The following UQCRFS1 variants were observed in gnomAD, a reference collection of about 807,000 sequenced individuals.
UQCRFS1 encodes ubiquinol-cytochrome c reductase, Rieske iron-sulfur polypeptide 1.
In UQCRFS1, 6 loss-of-function variants were observed where a neutral mutation model predicts 15.6. The observed-to-expected ratio is 0.38, with a 90% CI of 0.21 to 0.76. UQCRFS1 has a LOEUF of 0.76. UQCRFS1 is among the 30% of genes least tolerant of loss of function. The pLI is 0.44. For synonymous variants in UQCRFS1, 105 were observed against 154.3 expected (o/e 0.68, Z 2.37); for missense variants, 203 against 366.7 (o/e 0.55, Z 3.65).
intron 1 of UQCRFS1, among the ~76,000 whole-genome samples, chr19:29,208,427 C>T (rs1167647700): frequency 2.0e-5 from 3 of 152,200 alleles, no homozygotes; most frequent in African/African-American, 7.2e-5. Flanking sequence ...GTTGGTTGAA[C>T]ATTGCTGATT....
At position 29,211,864 on chromosome 19, in the gene UQCRFS1, C is replaced by A. The variant is rs181546580; in HGVS notation, c.214+1041G>T. On this transcript the variant is annotated intron_variant, in intron 1 of 1. Transcript: ENST00000304863. ...ACAAACAGCTATCAGTGGAGCCAGG[C>A]TGGTAACAGAATGAAACACGCAGAC... is the stretch of plus-strand genomic sequence containing the variant. Among the ~76,000 whole-genome samples the A allele has an allele frequency of 3.9e-3, 591 of 151,908 alleles. 3 individuals are homozygous for A. The highest frequency in any genetic ancestry group is 0.017 in the Middle Eastern group (5 of 288).
rs557128550 is a variant in UQCRFS1 at position 29,209,927 on chromosome 19, G to A, written c.215-1769C>T. ...ACTCTATCTAGCTGGTTACACTTTAGTAGGCTACACCACCAAGAATCCTTT... is the reference window on the plus strand; with the variant it reads ...ACTCTATCTAGCTGGTTACACTTTAATAGGCTACACCACCAAGAATCCTTT... On this transcript the variant is annotated intron_variant, in intron 1 of 1. Transcript: ENST00000304863. Among the ~76,000 whole-genome samples the A allele has an allele frequency of 1.3e-3, 201 of 152,216 alleles. 1 individual carries two copies. Among genetic ancestry groups the A allele is most frequent in the African/African-American group, 4.7e-3 (195 of 41,542 alleles).
At position 29,206,004 on chromosome 19, in the gene UQCRFS1, G is replaced by A. The variant is rs1288505503; in HGVS notation, c.*1544C>T. On this transcript the variant is annotated 3_prime_UTR_variant, in exon 2 of 2. Coordinates refer to ENST00000304863, the MANE Select transcript of UQCRFS1 (RefSeq NM_006003.3). ...TCAAGGTATCACTTCAGGGTGGGAG[G>A]TGATATAGGTTATCAGTATTTCTCT... 1.3e-5 allele frequency: 2 copies of A among 152,136 alleles called. No individual in the cohort carries two copies. Among genetic ancestry groups the A allele is most frequent in the African/African-American group, 2.4e-5 (1 of 41,424 alleles). The allele number at this position is 152,136 out of a possible 1,614,324, so 9.4% of individuals were successfully genotyped here. A position where few individuals can be genotyped will look rare whatever the true frequency, so the allele number is the denominator to read the frequency against.
At chr19:29,209,320 A>G (rs1465317137) in intron 1 of UQCRFS1, among the ~76,000 whole-genome samples, 1 of 152,230 alleles carries the variant, frequency 6.6e-6, no homozygotes, top group Non-Finnish European at 1.5e-5. Flanking sequence ...TGTATCCAAA[A>G]TAAAGATCTT....
rs1354322556 is a variant in UQCRFS1 at position 29,207,299 on chromosome 19, A to G, written c.*249T>C. On this transcript the variant is annotated 3_prime_UTR_variant, in exon 2 of 2. Transcript: ENST00000304863. ...ACACCAGTCTGTAATTTTTAATTAG[A>G]ATTAGCTAAAAGACATTGTACCTTT... 7.7e-6 allele frequency: 3 copies of G among 388,262 alleles called. No individual in the cohort carries two copies. The highest frequency in any genetic ancestry group is 1.4e-5 in the Non-Finnish European group (3 of 220,538). The allele number at this position is 388,262 out of a possible 1,614,324, so 24.1% of individuals were successfully genotyped here.
At chr19:29,211,118 G>C (rs1158004699) in intron 1 of UQCRFS1, among the ~76,000 whole-genome samples, 1 of 152,020 alleles carries the variant, frequency 6.6e-6, no homozygotes. Flanking sequence ...GAAAATTTTT[G>C]CAACCTACTC....
intron 1 of UQCRFS1, among the ~76,000 whole-genome samples, chr19:29,212,186 G>A (rs1976660659): frequency 1.3e-5 from 2 of 152,276 alleles, no homozygotes; most frequent in East Asian, 1.9e-4. Context: ...TAGCCCCTGC[G>A]AAGAGCTCAG....
At chr19:29,209,783 C>T (rs546569080) in intron 1 of UQCRFS1, among the ~76,000 whole-genome samples, 6 of 152,278 alleles carry the variant, frequency 3.9e-5, no homozygotes, top group Non-Finnish European at 8.8e-5. Context: ...AAAGTTCATA[C>T]TTCTACATTA....
At chr19:29,211,237 C>A (rs1476097206) in intron 1 of UQCRFS1, among the ~76,000 whole-genome samples, 1 of 151,884 alleles carries the variant, frequency 6.6e-6, no homozygotes, top group Non-Finnish European at 1.5e-5. Flanking sequence ...ACAGACACTT[C>A]TCAAAAGAAG....
chr19:29,212,991 A>C lies in UQCRFS1; in HGVS notation c.128T>G (p.Leu43Trp). 1 of 1,409,512 alleles carries C rather than the reference A, an allele frequency of 7.1e-7. No homozygotes were observed. The highest frequency in any genetic ancestry group is 9.1e-7 in the Non-Finnish European group (1 of 1,095,758). The allele number at this position is 1,409,512 out of a possible 1,614,324, so 87.3% of individuals were successfully genotyped here. A position where few individuals can be genotyped will look rare whatever the true frequency, so the allele number is the denominator to read the frequency against. Reference sequence around the variant, plus strand: ...GCTGAGGAAGGGCCGCTTCAGGTCCAACACAGGCTGCTCCGGGGTGGCGGG... The same window carrying C: ...GCTGAGGAAGGGCCGCTTCAGGTCCCACACAGGCTGCTCCGGGGTGGCGGG... ...TVPATPEQPVLDLKRPFLSRE... is the reference protein window; with the variant it reads ...TVPATPEQPVWDLKRPFLSRE... Residue 43 changes from leucine to tryptophan, a missense_variant, in exon 1 of 2, where the codon TTG becomes TGG. By Grantham distance (61) the Leu-to-Trp change is moderately conservative. Coordinates refer to ENST00000304863, the MANE Select transcript of UQCRFS1 (RefSeq NM_006003.3).
chr19:29,207,467 A>G lies in UQCRFS1; in HGVS notation c.*81T>C, dbSNP rs1016519629. The G allele has an allele frequency of 7.0e-7, 1 of 1,436,308 alleles. No individual in the cohort carries two copies. The highest frequency in any genetic ancestry group is 9.3e-7 in the Non-Finnish European group (1 of 1,072,094). 89.0% of individuals were successfully genotyped at this position (1,436,308 alleles called of 1,614,324 possible). A position where few individuals can be genotyped will look rare whatever the true frequency, so the allele number is the denominator to read the frequency against. On this transcript the variant is annotated 3_prime_UTR_variant, in exon 2 of 2. Coordinates refer to ENST00000304863, the MANE Select transcript of UQCRFS1 (RefSeq NM_006003.3). ...TCTTACATATTTCAAATCAACTTCA[A>G]GTACAGAAGGCTTCCTCTCAAATAA...
intron 1 of UQCRFS1, among the ~76,000 whole-genome samples, chr19:29,211,202 AT>A (rs775548353): frequency 6.6e-5 from 10 of 151,550 alleles, no homozygotes; most frequent in Non-Finnish European, 1.5e-4. Flanking sequence ...AAACAACCCC[AT>A]CAAAAAGTGG....
Position 29,207,512 on chromosome 19 carries a change from A to G in UQCRFS1, c.*36T>C. ...AAATAAGTCTCCTGAGGTGACATAA[A>G]GACTGAAAGAAGCCTATGACTTGAG... is the stretch of plus-strand genomic sequence containing the variant. On this transcript the variant is annotated 3_prime_UTR_variant, in exon 2 of 2. Coordinates refer to ENST00000304863, the MANE Select transcript of UQCRFS1 (RefSeq NM_006003.3). The G allele has an allele frequency of 6.5e-7, 1 of 1,544,316 alleles. No individual in the cohort carries two copies. Among genetic ancestry groups the G allele is most frequent in the South Asian group, 1.3e-5 (1 of 78,806 alleles).
chr19:29,207,525 C>G lies in UQCRFS1; in HGVS notation c.*23G>C. 2 of 1,569,236 alleles carry G rather than the reference C, an allele frequency of 1.3e-6. No homozygotes were observed. Among genetic ancestry groups the G allele is most frequent in the Non-Finnish European group, 1.7e-6 (2 of 1,155,694 alleles). On this transcript the variant is annotated 3_prime_UTR_variant, in exon 2 of 2. Transcript: ENST00000304863. ...GAGGTGACATAAAGACTGAAAGAAG[C>G]CTATGACTTGAGTCCAAGTCTCTTA... is the stretch of plus-strand genomic sequence containing the variant.
rs1976583496 is a variant in UQCRFS1 at position 29,205,384 on chromosome 19, C to T, written c.*2164G>A. On this transcript the variant is annotated 3_prime_UTR_variant, in exon 2 of 2. Coordinates refer to ENST00000304863, the MANE Select transcript of UQCRFS1 (RefSeq NM_006003.3). ...ACTTCTGATATTTAAATAGTATGTT[C>T]CTACAGTTTAGAAAAATGAGGGTAC... The T allele has an allele frequency of 6.6e-6, 1 of 152,156 alleles. No homozygotes were observed. The highest frequency in any genetic ancestry group is 1.5e-5 in the Non-Finnish European group (1 of 68,040). 9.4% of individuals were successfully genotyped at this position (152,156 alleles called of 1,614,324 possible).
At chr19:29,212,812 C>A in intron 1 of UQCRFS1, 93 bp downstream of exon 1, 1 of 1,282,396 alleles carries the variant, frequency 7.8e-7, no homozygotes, top group Non-Finnish European at 1.0e-6. Flanking sequence ...ATTCAGGCTC[C>A]GCTCGCGCGC....
rs1976660288 is a variant in UQCRFS1 at position 29,212,170 on chromosome 19, G to A, written c.214+735C>T. ...AAACGGGGATCTAAGGACAGAGGGTGTGGAATAGCCCCTGCGAAGAGCTCA... is the reference window on the plus strand; with the variant it reads ...AAACGGGGATCTAAGGACAGAGGGTATGGAATAGCCCCTGCGAAGAGCTCA... On this transcript the variant is annotated intron_variant, in intron 1 of 1. Coordinates refer to ENST00000304863, the MANE Select transcript of UQCRFS1 (RefSeq NM_006003.3). 2.0e-5 allele frequency among the ~76,000 whole-genome samples: 3 copies of A among 152,200 alleles called. No homozygotes were observed. In the South Asian group the frequency reaches 6.2e-4, roughly 32 times the overall value.
chr19:29,207,763 G>T lies in UQCRFS1; in HGVS notation c.610C>A (p.Arg204=), dbSNP rs1242465339. Residue 204 remains arginine (R), a synonymous_variant, in exon 2 of 2, where the codon CGA becomes AGA. Coordinates refer to ENST00000304863, the MANE Select transcript of UQCRFS1 (RefSeq NM_006003.3). ...ATAACCCATTCAGGTTTCTTTACTC[G>T]ATCTAGATCATGCTGTGGGTCCCTC... ...QLRDPQHDLD[R]VKKPEWVILI... The T allele has an allele frequency of 1.2e-6, 2 of 1,613,832 alleles. No individual in the cohort carries two copies. Among genetic ancestry groups the T allele is most frequent in the African/African-American group, 2.7e-5 (2 of 74,896 alleles).
chr19:29,207,469 T>G lies in UQCRFS1; in HGVS notation c.*79A>C. 6.9e-7 allele frequency: 1 copy of G among 1,444,672 alleles called. No homozygotes were observed. Among genetic ancestry groups the G allele is most frequent in the Non-Finnish European group, 9.3e-7 (1 of 1,078,378 alleles). 89.5% of individuals were successfully genotyped at this position (1,444,672 alleles called of 1,614,324 possible). ...TTACATATTTCAAATCAACTTCAAG[T>G]ACAGAAGGCTTCCTCTCAAATAAGT... On this transcript the variant is annotated 3_prime_UTR_variant, in exon 2 of 2. Coordinates refer to ENST00000304863, the MANE Select transcript of UQCRFS1 (RefSeq NM_006003.3).
Sources: allele counts gnomAD v4.1 joint callset (sites outside exome capture counted in the v4.1 genomes callset), GRCh38; gene constraint gnomAD v4.1.1; transcripts MANE v1.5; gene names NCBI Gene and HGNC (gene_info 2026-07-23, HGNC 2026-07-21).